VEGFC: variants seen among roughly 807,000 people sequenced by gnomAD.
VEGFC encodes vascular endothelial growth factor C, also known as FLT4 ligand DHM.
VEGFC carries 12 observed loss-of-function variants against 46.1 expected under a neutral mutation model. That is an observed-to-expected ratio of 0.26 (90% CI 0.17 to 0.42). VEGFC has a LOEUF of 0.42. Ranked by LOEUF, VEGFC falls within the 10% of genes least tolerant of loss-of-function variation. The pLI, the probability that VEGFC is intolerant of heterozygous loss-of-function variation, is 1.00. For synonymous variants in VEGFC, 232 were observed against 195.5 expected, an observed-to-expected ratio of 1.19 and a Z score of -1.56; for missense variants, 488 against 529.4, an observed-to-expected ratio of 0.92 and a Z score of 0.77.
intron 1 of VEGFC, among the ~76,000 whole-genome samples, chr4:176,773,774 C>T (rs753186420): frequency 6.6e-6 from 1 of 152,090 alleles, no homozygotes; most frequent in Non-Finnish European, 1.5e-5. Flanking sequence ...CCTTGGACTC[C>T]TAGGTTTGAG....
chr4:176,706,625 CAAAAAAAAAAAAAAAAAA>C (rs55996370), intron 4 of VEGFC, among the ~76,000 whole-genome samples: 1 of 63,448 alleles, frequency 1.6e-5, no homozygotes, highest in Non-Finnish European at 2.5e-5. Flanking sequence ...GAATCTGTCT[CAAAAAAAAAAAAAAAAAA>C]AAAAAAAAAA....
At chr4:176,724,412 T>C (rs1237905612) in intron 3 of VEGFC, among the ~76,000 whole-genome samples, 4 of 152,198 alleles carry the variant, frequency 2.6e-5, no homozygotes, top group African/African-American at 9.7e-5. Context: ...GTTTTTGCCT[T>C]TGTGGAGGAG....
intron 1 of VEGFC, among the ~76,000 whole-genome samples, chr4:176,743,410 A>G (rs1252146959): frequency 6.6e-6 from 1 of 151,968 alleles, no homozygotes; most frequent in East Asian, 1.9e-4. Flanking sequence ...ATAGAATCAT[A>G]AAGTAAGCAT....
intron 1 of VEGFC, among the ~76,000 whole-genome samples, chr4:176,786,997 C>T (rs984629376): frequency 1.5e-4 from 23 of 152,206 alleles, no homozygotes; most frequent in African/African-American, 4.3e-4. Context: ...AGTGCATAGA[C>T]ATATTAATAC....
At chr4:176,707,824 G>C (rs751469000) in intron 4 of VEGFC, among the ~76,000 whole-genome samples, 8 of 152,134 alleles carry the variant, frequency 5.3e-5, no homozygotes, top group South Asian at 2.1e-4. Context: ...TTAATTGACT[G>C]AGTGATTTCA....
intron 3 of VEGFC, among the ~76,000 whole-genome samples, chr4:176,714,931 G>A (rs943695184): frequency 2.0e-5 from 3 of 152,148 alleles, no homozygotes; most frequent in Admixed American, 6.5e-5. Context: ...GCTTTCAAAG[G>A]CTGCAAGAAA....
chr4:176,699,931 C>T (rs1365160182), intron 4 of VEGFC, among the ~76,000 whole-genome samples: 1 of 152,134 alleles, frequency 6.6e-6, no homozygotes, highest in African/African-American at 2.4e-5. Context: ...CTTGTGTTAG[C>T]GTCTGTTTGT....
At chr4:176,698,146 A>AAAT (rs972178905) in intron 4 of VEGFC, among the ~76,000 whole-genome samples, 146 of 150,236 alleles carry the variant, frequency 9.7e-4, no homozygotes, top group Admixed American at 1.9e-3. Flanking sequence ...ATAAAAATAA[A>AAAT]AATAATAATA....
At chr4:176,750,342 T>C (rs1272118468) in intron 1 of VEGFC, among the ~76,000 whole-genome samples, 1 of 151,764 alleles carries the variant, frequency 6.6e-6, no homozygotes, top group Admixed American at 6.6e-5. Context: ...AACTACATGA[T>C]GATTACAAGA....
intron 4 of VEGFC, among the ~76,000 whole-genome samples, chr4:176,710,407 T>C (rs1364500617): frequency 6.6e-6 from 1 of 152,142 alleles, no homozygotes; most frequent in African/African-American, 2.4e-5. Flanking sequence ...GTAAGATCTT[T>C]GCTTTCTCAC....
chr4:176,705,390 A>G (rs1348767732), intron 4 of VEGFC, among the ~76,000 whole-genome samples: 1 of 152,228 alleles, frequency 6.6e-6, no homozygotes, highest in African/African-American at 2.4e-5. Context: ...GAAAATTGGT[A>G]TCTAACTCTG....
At chr4:176,765,572 T>C (rs1735605608) in intron 1 of VEGFC, among the ~76,000 whole-genome samples, 1 of 149,920 alleles carries the variant, frequency 6.7e-6, no homozygotes, top group African/African-American at 2.5e-5. Flanking sequence ...TTTTTTTTTT[T>C]TGAGGCAGAG....
At chr4:176,712,206 T>C (rs1211194836) in intron 3 of VEGFC, among the ~76,000 whole-genome samples, 1 of 152,126 alleles carries the variant, frequency 6.6e-6, no homozygotes, top group Admixed American at 6.6e-5. Context: ...CTCTTATAAA[T>C]TGATTATGTT....
chr4:176,741,198 TAC>T (rs1406726986), intron 1 of VEGFC, among the ~76,000 whole-genome samples: 1 of 151,988 alleles, frequency 6.6e-6, no homozygotes, highest in Non-Finnish European at 1.5e-5. Flanking sequence ...TTATGTTTGT[TAC>T]ATTTAAATCC....
chr4:176,775,986 T>G (rs1156627663), intron 1 of VEGFC, among the ~76,000 whole-genome samples: 1 of 152,142 alleles, frequency 6.6e-6, no homozygotes. Context: ...TTAAAGTATG[T>G]ACAAAATATA....
At chr4:176,790,961 CTATAT>C (rs1254693285) in intron 1 of VEGFC, among the ~76,000 whole-genome samples, 3 of 152,150 alleles carry the variant, frequency 2.0e-5, no homozygotes, top group Non-Finnish European at 2.9e-5. Context: ...CCTTTAACCC[CTATAT>C]TAAATTATTA....
intron 1 of VEGFC, among the ~76,000 whole-genome samples, chr4:176,781,971 C>A (rs1233671052): frequency 6.6e-6 from 1 of 152,194 alleles, no homozygotes; most frequent in East Asian, 1.9e-4. Context: ...CTCACTCACA[C>A]GCATGACTCT....
chr4:176,785,331 T>C (rs1178627328), intron 1 of VEGFC, among the ~76,000 whole-genome samples: 2 of 152,226 alleles, frequency 1.3e-5, no homozygotes, highest in Non-Finnish European at 2.9e-5. Flanking sequence ...TGAGGACAGG[T>C]TGAAGCCAAA....
intron 1 of VEGFC, among the ~76,000 whole-genome samples, chr4:176,766,293 A>G (rs1406212238): frequency 6.6e-6 from 1 of 152,154 alleles, no homozygotes; most frequent in Non-Finnish European, 1.5e-5. Flanking sequence ...TCAAATATTA[A>G]GGTACAATGA....
Sources: allele counts gnomAD v4.1 joint callset (sites outside exome capture counted in the v4.1 genomes callset), GRCh38; gene constraint gnomAD v4.1.1; transcripts MANE v1.5; gene names NCBI Gene and HGNC (gene_info 2026-07-23, HGNC 2026-07-21).